The following DCAF6 variants were observed in gnomAD, a reference collection of about 807,000 sequenced individuals.
DCAF6 encodes the protein DDB1- and CUL4-associated factor 6.
A neutral mutation model predicts 125.1 loss-of-function variants in DCAF6; 54 were observed. That is an observed-to-expected ratio of 0.43 (90% CI 0.35 to 0.54). DCAF6 has a LOEUF of 0.54. Among genes scored for constraint, DCAF6 ranks in the 20% least tolerant of loss-of-function variants. The pLI, the probability that DCAF6 is intolerant of heterozygous loss-of-function variation, is 0.01. For missense variants in DCAF6, 934 were observed against 1,161.7 expected, an observed-to-expected ratio of 0.80 and a Z score of 2.85; for synonymous variants, 371 against 390.4, an observed-to-expected ratio of 0.95 and a Z score of 0.58.
intron 17 of DCAF6, among the ~76,000 whole-genome samples, chr1:168,055,010 G>A (rs1232742716): frequency 6.6e-6 from 1 of 152,034 alleles, no homozygotes; most frequent in Non-Finnish European, 1.5e-5. Context: ...TAGAGACGGG[G>A]TTTTTAACTT....
At chr1:167,863,866 C>A in the DCAF6 span, among the ~76,000 whole-genome samples, 4 of 152,252 alleles carry the variant, frequency 2.6e-5, no homozygotes, top group Non-Finnish European at 5.9e-5. Context: ...AACTTGCCCA[C>A]TCCATTTGAG....
the DCAF6 span, chr1:167,880,182 G>T: frequency 6.2e-7 from 1 of 1,612,918 alleles, no homozygotes. Context: ...CAACACCGAT[G>T]GATACAGTTC....
intron 2 of DCAF6, among the ~76,000 whole-genome samples, chr1:167,963,816 T>A (rs1247110740): frequency 1.3e-5 from 2 of 152,200 alleles, no homozygotes; most frequent in Non-Finnish European, 2.9e-5. Context: ...TTAAACTTTT[T>A]AATTATTTGC....
chr1:167,966,496 C>A, intron 2 of DCAF6, 133 bp from the exon 3 acceptor site: 1 of 607,738 alleles, frequency 1.6e-6, no homozygotes, highest in South Asian at 2.0e-5. Context: ...TAAGATTGGA[C>A]ACCCCTATGT....
intron 1 of DCAF6, among the ~76,000 whole-genome samples, chr1:167,950,760 T>A (rs923653136): frequency 3.9e-5 from 6 of 152,214 alleles, no homozygotes; most frequent in Non-Finnish European, 8.8e-5. Context: ...AGCTTCTGAA[T>A]AAACATGCTT....
At chr1:167,868,570 C>G in the DCAF6 span, among the ~76,000 whole-genome samples, 3 of 152,092 alleles carry the variant, frequency 2.0e-5, no homozygotes, top group Non-Finnish European at 4.4e-5. Context: ...GACAGCCCCC[C>G]ACTAGGCTAT....
intron 17 of DCAF6, among the ~76,000 whole-genome samples, chr1:168,053,265 G>T (rs923791000): frequency 1.3e-5 from 2 of 152,094 alleles, no homozygotes; most frequent in Non-Finnish European, 2.9e-5. Flanking sequence ...AAGAATGTAA[G>T]CACCTTTAAG....
At chr1:167,887,514 G>A in the DCAF6 span, among the ~76,000 whole-genome samples, 1 of 152,028 alleles carries the variant, frequency 6.6e-6, no homozygotes, top group Non-Finnish European at 1.5e-5. Flanking sequence ...TTAGACACAG[G>A]GTGGGGAACA....
chr1:167,929,151 G>A, the DCAF6 span, among the ~76,000 whole-genome samples: 32 of 152,230 alleles, frequency 2.1e-4, no homozygotes, highest in Middle Eastern at 3.4e-3. Context: ...CAGAGGTGGG[G>A]AGTTTGAGAC....
the DCAF6 span, among the ~76,000 whole-genome samples, chr1:167,899,940 G>A: frequency 6.6e-6 from 1 of 152,102 alleles, no homozygotes; most frequent in Admixed American, 6.5e-5. Flanking sequence ...AGGGCAACAG[G>A]GAATACCTTT....
chr1:167,996,324 A>G (rs993151333), intron 7 of DCAF6, among the ~76,000 whole-genome samples: 1 of 151,176 alleles, frequency 6.6e-6, no homozygotes, highest in African/African-American at 2.4e-5. Context: ...GCCCTACCCC[A>G]TTATTGGGCT....
At chr1:167,876,608 T>G in the DCAF6 span, among the ~76,000 whole-genome samples, 1 of 152,214 alleles carries the variant, frequency 6.6e-6, no homozygotes, top group Non-Finnish European at 1.5e-5. Flanking sequence ...CTGTTCATAC[T>G]GTGTGTGTAT....
chr1:167,904,359 T>C, the DCAF6 span, among the ~76,000 whole-genome samples: 5 of 152,108 alleles, frequency 3.3e-5, no homozygotes, highest in Non-Finnish European at 7.4e-5. Context: ...GTGTTGGGAT[T>C]GCAGGCGTGA....
chr1:167,957,222 A>T (rs1243450259), intron 2 of DCAF6, among the ~76,000 whole-genome samples: 2 of 152,018 alleles, frequency 1.3e-5, no homozygotes, highest in Middle Eastern at 3.2e-3. Context: ...TAATTCCTCT[A>T]ATTTTATCAT....
intron 1 of DCAF6, among the ~76,000 whole-genome samples, chr1:167,949,613 A>G (rs1490172903): frequency 6.6e-6 from 1 of 152,214 alleles, no homozygotes; most frequent in Non-Finnish European, 1.5e-5. Flanking sequence ...GGAAGAACCA[A>G]TGTAAACCTG....
chr1:168,051,189 CTATAATCTGAAATGATGTACTTTAAG>C (rs1689883689), intron 17 of DCAF6, among the ~76,000 whole-genome samples: 1 of 152,164 alleles, frequency 6.6e-6, no homozygotes, highest in Non-Finnish European at 1.5e-5. Flanking sequence ...GGCAAAGTAA[CTATAATCTGAAATGATGTACTTTAAG>C]TATCAGTTAC....
chr1:168,045,875 C>T (rs1437869423), intron 16 of DCAF6, among the ~76,000 whole-genome samples: 1 of 152,044 alleles, frequency 6.6e-6, no homozygotes, highest in Non-Finnish European at 1.5e-5. Context: ...ATTTCATACT[C>T]ATGGAAAACT....
intron 21 of DCAF6, among the ~76,000 whole-genome samples, chr1:168,072,792 A>G (rs1461019569): frequency 2.0e-5 from 3 of 152,186 alleles, no homozygotes; most frequent in African/African-American, 7.2e-5. Context: ...ACAGGCTTCC[A>G]TTGGGAAATT....
rs567558120 is a variant in DCAF6, at chr1:167,996,609, A to G, written c.903+3169A>G. On this transcript the variant is annotated intron_variant, in intron 7 of 21. Transcript: ENST00000367840. ...TTAAATCATGCCGCTCTTCTCATCA[A>G]CATTCTAAGTGGCTCCCTGTCGGAC... 2.9e-4 allele frequency among the ~76,000 whole-genome samples: 44 copies of G among 152,310 alleles called. No homozygotes were observed. In the South Asian group the frequency reaches 7.5e-3, roughly 26 times the overall value.
Sources: gnomAD v4.1 joint callset for allele counts (sites outside exome capture counted in the v4.1 genomes callset) on GRCh38, gnomAD v4.1.1 for gene constraint, MANE v1.5 for transcripts, NCBI Gene and HGNC (gene_info 2026-07-23, HGNC 2026-07-21) for gene names.